The following TBC1D2B variants were observed in gnomAD, a reference collection of about 807,000 sequenced individuals.
TBC1D2B encodes TBC1 domain family, member 2B.
In TBC1D2B, 64 loss-of-function variants were observed where a neutral mutation model predicts 100.8. The ratio of observed to expected loss-of-function variants is 0.64; its 90% confidence interval spans 0.52 to 0.78. The LOEUF (loss-of-function observed/expected upper bound fraction) is 0.78, where lower values mean the gene tolerates loss of function less well. Among genes scored for constraint, TBC1D2B ranks in the 30% least tolerant of loss-of-function variants. TBC1D2B has a pLI of 0.00. For synonymous variants in TBC1D2B, 480 were observed against 479.7 expected, an observed-to-expected ratio of 1.00 and a Z score of -0.01; for missense variants, 1,052 against 1,218.4, an observed-to-expected ratio of 0.86 and a Z score of 2.03.
At chr15:78,024,103 G>T (rs2072588639) in intron 6 of TBC1D2B, 53 bp downstream of exon 6, 2 of 1,546,794 alleles carry the variant, frequency 1.3e-6, no homozygotes. Context: ...GGCCTCTGGG[G>T]TGACATCGGT....
chr15:78,040,855 G>GAAGAAAGGAAGAAAGA (rs1567026171), intron 3 of TBC1D2B, among the ~76,000 whole-genome samples: 5 of 74,670 alleles, frequency 6.7e-5, no homozygotes, highest in Non-Finnish European at 1.4e-4. Context: ...AGAAAGAAAG[G>GAAGAAAGGAAGAAAGA]AAGAAAGAAA....
intron 6 of TBC1D2B, among the ~76,000 whole-genome samples, chr15:78,023,114 C>T (rs916540591): frequency 6.6e-6 from 1 of 152,202 alleles, no homozygotes; most frequent in Admixed American, 6.5e-5. Context: ...CTGAAAGGTA[C>T]TGCTAGGCAT....
chr15:78,001,100 T>C (rs912081621), intron 12 of TBC1D2B, among the ~76,000 whole-genome samples: 3 of 152,150 alleles, frequency 2.0e-5, no homozygotes, highest in African/African-American at 7.2e-5. Context: ...GCCTCCACAC[T>C]TCCCCAAACA....
chr15:78,056,123 A>G (rs750893427), intron 1 of TBC1D2B, among the ~76,000 whole-genome samples: 22 of 152,262 alleles, frequency 1.4e-4, no homozygotes, highest in Non-Finnish European at 2.8e-4. Flanking sequence ...GTAGGTCAGT[A>G]TTTACTGAAT....
At chr15:78,045,736 C>T (rs2073181095) in intron 2 of TBC1D2B, among the ~76,000 whole-genome samples, 2 of 152,186 alleles carry the variant, frequency 1.3e-5, no homozygotes, top group East Asian at 1.9e-4. Flanking sequence ...TTAACAAATA[C>T]ATAGTAATAT....
chr15:78,060,693 G>C (rs1418135840), intron 1 of TBC1D2B, among the ~76,000 whole-genome samples: 1 of 151,766 alleles, frequency 6.6e-6, no homozygotes, highest in Non-Finnish European at 1.5e-5. Flanking sequence ...GAGACAGGCA[G>C]ATCACCTGAA....
chr15:78,073,016 A>G (rs1274149688), intron 1 of TBC1D2B, among the ~76,000 whole-genome samples: 1 of 152,216 alleles, frequency 6.6e-6, no homozygotes, highest in Non-Finnish European at 1.5e-5. Context: ...AAAGACTACT[A>G]CTACGCCTTA....
intron 4 of TBC1D2B, among the ~76,000 whole-genome samples, chr15:78,026,933 C>CCGT (rs2072685591): frequency 1.3e-5 from 2 of 150,430 alleles, no homozygotes; most frequent in Admixed American, 1.3e-4. Flanking sequence ...TTCGGGAATA[C>CCGT]CGTCAGGCCA....
At chr15:78,036,149 A>G (rs1041208564) in intron 3 of TBC1D2B, among the ~76,000 whole-genome samples, 13 of 152,246 alleles carry the variant, frequency 8.5e-5, no homozygotes, top group African/African-American at 2.9e-4. Context: ...GGGTGCAGAC[A>G]TAAGTACCTT....
chr15:78,009,852 G>A (rs1338167142), intron 9 of TBC1D2B, among the ~76,000 whole-genome samples: 1 of 151,852 alleles, frequency 6.6e-6, no homozygotes, highest in African/African-American at 2.4e-5. Context: ...GCGGGCGCCT[G>A]TAGTCCAAGC....
At chr15:78,001,807 CA>C in intron 11 of TBC1D2B, 67 bp from the exon 12 acceptor site, 1 of 1,523,522 alleles carries the variant, frequency 6.6e-7, no homozygotes, top group Non-Finnish European at 8.8e-7. Flanking sequence ...GGCTGGACTC[CA>C]GGGGGGTGCT....
chr15:78,068,784 T>C (rs550191352), intron 1 of TBC1D2B, among the ~76,000 whole-genome samples: 3 of 152,320 alleles, frequency 2.0e-5, no homozygotes, highest in African/African-American at 7.2e-5. Context: ...AGAACACTAG[T>C]TACAAGCCAC....
At chr15:78,065,927 T>C in intron 1 of TBC1D2B, 6 of 448,652 alleles carry the variant, frequency 1.3e-5, no homozygotes, top group South Asian at 9.4e-5. Flanking sequence ...AACAGTGTTT[T>C]AAGGTGGAGT....
chr15:78,023,151 A>G (rs933479609), intron 6 of TBC1D2B, among the ~76,000 whole-genome samples: 1 of 152,208 alleles, frequency 6.6e-6, no homozygotes, highest in Non-Finnish European at 1.5e-5. Flanking sequence ...AACAACCTGG[A>G]CAGCAGCAAA....
Position 78,025,415 on chromosome 15 carries a change from C to T in TBC1D2B, c.930G>A (p.Ser310=), listed in dbSNP as rs141902869. The T allele has an allele frequency of 2.4e-5, 39 of 1,613,804 alleles. No individual in the cohort carries two copies. The highest frequency in any genetic ancestry group is 1.9e-4 in the African/African-American group (14 of 74,882). The change falls in exon 5 of 13, where the codon TCG becomes TCA. Residue 310 remains serine, a synonymous_variant. Coordinates refer to ENST00000300584, the MANE Select transcript of TBC1D2B (RefSeq NM_144572.2). ...CACCACTGCTGTGACGATTTTTGTA[C>T]GACCCAATTATGTCTTTCAAAGGGC... The part of the protein sequence containing the change: ...GKRPLKDIIG[S]YKNRHSSGDP...
intron 10 of TBC1D2B, 101 bp downstream of exon 10, chr15:78,008,896 T>A: frequency 1.3e-6 from 1 of 779,040 alleles, no homozygotes. Context: ...TGAAGTCACA[T>A]ACACAAAGCA....
intron 3 of TBC1D2B, among the ~76,000 whole-genome samples, chr15:78,038,318 G>A (rs998610182): frequency 6.6e-6 from 1 of 152,226 alleles, no homozygotes; most frequent in African/African-American, 2.4e-5. Flanking sequence ...CTATGAAGGA[G>A]AAGCACGGCA....
intron 3 of TBC1D2B, among the ~76,000 whole-genome samples, chr15:78,039,635 C>A (rs1247219229): frequency 6.6e-6 from 1 of 152,048 alleles, no homozygotes; most frequent in African/African-American, 2.4e-5. Context: ...GCAGCAATAC[C>A]AGCAGGCCTG....
At chr15:78,072,999 T>C (rs1023712679) in intron 1 of TBC1D2B, among the ~76,000 whole-genome samples, 2 of 152,110 alleles carry the variant, frequency 1.3e-5, no homozygotes, top group East Asian at 3.8e-4. Context: ...TTAAATGCAA[T>C]AGAAGGAAAG....
Sources: gnomAD v4.1 joint callset for allele counts (sites outside exome capture counted in the v4.1 genomes callset) on GRCh38, gnomAD v4.1.1 for gene constraint, MANE v1.5 for transcripts, NCBI Gene and HGNC (gene_info 2026-07-23, HGNC 2026-07-21) for gene names.